The following ELFN1 variants were observed in gnomAD, a reference collection of about 807,000 sequenced individuals.
ELFN1 encodes extracellular leucine rich repeat and fibronectin type III domain containing 1.
Under a neutral mutation model 7.6 loss-of-function variants are expected in ELFN1, and 6 were observed. The observed-to-expected ratio is 0.79, with a 90% CI of 0.43 to 1.56. ELFN1 has a LOEUF of 1.56. ELFN1 is among the 40% of genes most tolerant of loss of function. ELFN1 has a pLI of 0.01. For missense variants in ELFN1, 1,169 were observed against 1,232.2 expected, an observed-to-expected ratio of 0.95 and a Z score of 0.77; for synonymous variants, 657 against 588.1, an observed-to-expected ratio of 1.12 and a Z score of -1.70.
intron 3 of ELFN1, among the ~76,000 whole-genome samples, chr7:1,738,439 T>A (rs1322355265): frequency 2.6e-5 from 4 of 152,044 alleles, no homozygotes; most frequent in African/African-American, 4.8e-5. Context: ...ATGGGCTTGA[T>A]CAAACATGAA....
At position 1,691,388 on chromosome 7, in the gene ELFN1, C is replaced by T. The variant is rs1177722103; in HGVS notation, c.-456+3238C>T. Among the ~76,000 whole-genome samples, 4 of 152,214 alleles carry T rather than the reference C, an allele frequency of 2.6e-5. No individual in the cohort carries two copies. In the East Asian group the frequency reaches 7.7e-4, roughly 29 times the overall value. On this transcript the variant is annotated intron_variant, in intron 2 of 3. Transcript: ENST00000424383. ...AGCCTTGGGTGCTTACTCCTGGCAA[C>T]AAGCATTGATTGAGCACCAGCTGTT...
intron 2 of ELFN1, chr7:1,693,141 C>T (rs1779208752): frequency 2.9e-6 from 1 of 350,588 alleles, no homozygotes; most frequent in Non-Finnish European, 5.7e-6. Flanking sequence ...AAGTGACTGC[C>T]CATGCAGACC....
At position 1,743,946 on chromosome 7, in the gene ELFN1, C is replaced by T. The variant is rs189898791; in HGVS notation, c.-293-358C>T. ...TTCCCTTATCCGACCGGGGTTGCGCCGAGAGTGAAATGGGCTTCAGGGACC... is the reference window on the plus strand; with the variant it reads ...TTCCCTTATCCGACCGGGGTTGCGCTGAGAGTGAAATGGGCTTCAGGGACC... On this transcript the variant is annotated intron_variant, in intron 3 of 3. Coordinates refer to ENST00000424383, the MANE Select transcript of ELFN1 (RefSeq NM_001128636.4). 1.6e-3 allele frequency among the ~76,000 whole-genome samples: 243 copies of T among 152,274 alleles called. 1 individual carries two copies. The highest frequency in any genetic ancestry group is 2.7e-3 in the Admixed American group (41 of 15,302).
Position 1,709,684 on chromosome 7 carries a change from G to A in ELFN1, c.-294+432G>A, listed in dbSNP as rs371886743. On this transcript the variant is annotated intron_variant, in intron 3 of 3. Coordinates refer to ENST00000424383, the MANE Select transcript of ELFN1 (RefSeq NM_001128636.4). ...TGAATAACACGGCATAGGTCACGTA[G>A]GTTAATATTGACTTGCAGTATGTAT... Among the ~76,000 whole-genome samples, 4 of 152,372 alleles carry A rather than the reference G, an allele frequency of 2.6e-5. No individual in the cohort carries two copies. The South Asian group carries it at 8.3e-4, about 32-fold the overall frequency.
intron 1 of ELFN1, among the ~76,000 whole-genome samples, chr7:1,686,260 T>C (rs1006781190): frequency 6.6e-6 from 1 of 151,810 alleles, no homozygotes; most frequent in African/African-American, 2.4e-5. Context: ...GTGAAATTCA[T>C]TTTCCCCTGA....
chr7:1,711,603 AGAGAGAGAGAGAG>A (rs1161098195), intron 3 of ELFN1, among the ~76,000 whole-genome samples: 2 of 151,110 alleles, frequency 1.3e-5, no homozygotes, highest in African/African-American at 4.9e-5. Context: ...AGAGAGAGAG[AGAGAGAGAGAGAG>A]AGAGAGAGAG....
rs1778800681 is a variant in ELFN1, at chr7:1,673,127, GTTTC to G, written c.-549+2776_-549+2779del. 6.6e-6 allele frequency among the ~76,000 whole-genome samples: 1 copy of G among 151,108 alleles called. No individual in the cohort carries two copies. Among genetic ancestry groups the G allele is most frequent in the African/African-American group, 2.4e-5 (1 of 41,208 alleles). ...CCTTTTTGTTTTTGTTGTGGATTTG[GTTTC>G]TTCCAGCACAAGCTCAGGTGTCAAG... On this transcript the variant is annotated intron_variant, in intron 1 of 3. Transcript: ENST00000424383. This position sits in a 1 kb window ranked among gnomAD's most constrained non-coding sequence, Gnocchi z 4.7.
intron 2 of ELFN1, among the ~76,000 whole-genome samples, chr7:1,698,232 T>G (rs1779358308): frequency 6.6e-6 from 1 of 152,244 alleles, no homozygotes; most frequent in Admixed American, 6.5e-5. Context: ...AAGCCTCATT[T>G]TCTACTTCTA....
rs7807536 is a variant in ELFN1, at chr7:1,733,003, C to A, written c.-293-11301C>A. ...GCAAGCTCTGCCTCCTGGGTTCAAGCGATTCTCCTGCCTCAGCCTTCCGAG... is the reference window on the plus strand; with the variant it reads ...GCAAGCTCTGCCTCCTGGGTTCAAGAGATTCTCCTGCCTCAGCCTTCCGAG... On this transcript the variant is annotated intron_variant, in intron 3 of 3. Coordinates refer to ENST00000424383, the MANE Select transcript of ELFN1 (RefSeq NM_001128636.4). 4.9e-3 allele frequency among the ~76,000 whole-genome samples: 750 copies of A among 152,214 alleles called. 7 individuals are homozygous for A. The highest frequency in any genetic ancestry group is 0.017 in the African/African-American group (699 of 41,540).
At chr7:1,697,819 C>T (rs1779349979) in intron 2 of ELFN1, among the ~76,000 whole-genome samples, 1 of 152,174 alleles carries the variant, frequency 6.6e-6, no homozygotes, top group African/African-American at 2.4e-5. Flanking sequence ...GGGTCTCTCT[C>T]TTTCGCCCAG....
At chr7:1,726,402 C>A (rs919159409) in intron 3 of ELFN1, among the ~76,000 whole-genome samples, 7 of 152,244 alleles carry the variant, frequency 4.6e-5, no homozygotes, top group Non-Finnish European at 8.8e-5. Flanking sequence ...AGCATATGGA[C>A]CCTGCCAAAT....
upstream of ELFN1, among the ~76,000 whole-genome samples, chr7:1,666,713 C>T (rs1418182690): frequency 1.3e-5 from 2 of 151,758 alleles, no homozygotes; most frequent in Non-Finnish European, 2.9e-5. The surrounding 1 kb of genome is among the most constrained non-coding windows in gnomAD (Gnocchi z 7.9). Flanking sequence ...CAGACGAACC[C>T]CTCTTCATCT....
At chr7:1,691,771 G>C (rs1326452096) in intron 2 of ELFN1, 2 of 152,242 alleles carry the variant, frequency 1.3e-5, no homozygotes, top group Non-Finnish European at 2.9e-5. Context: ...CCCACACCTG[G>C]GACATTGCCA....
intron 3 of ELFN1, among the ~76,000 whole-genome samples, chr7:1,734,161 A>G (rs1033588739): frequency 1.3e-5 from 2 of 152,146 alleles, no homozygotes; most frequent in Non-Finnish European, 2.9e-5. Flanking sequence ...TGATGAGGAA[A>G]GTGCCAGGCA....
rs368802923 is a variant in ELFN1 at position 1,745,820 on chromosome 7, G to T, written c.1224G>T (p.Pro408=). The change falls in exon 4 of 4, where the codon CCG becomes CCT. Residue 408 remains proline (P), a synonymous_variant. Coordinates refer to ENST00000424383, the MANE Select transcript of ELFN1 (RefSeq NM_001128636.4). Reference sequence around the variant, plus strand: ...CCCGGCTGCCCAGCCCGCCTGGTCCGGTGCCCAGCCCCTCCACGGCCACCC... The same window carrying T: ...CCCGGCTGCCCAGCCCGCCTGGTCCTGTGCCCAGCCCCTCCACGGCCACCC... ...CLPRLPSPPG[P]VPSPSTATHY... is the part of the protein sequence containing the mutation. 2 of 1,570,562 alleles carry T rather than the reference G, an allele frequency of 1.3e-6. No individual in the cohort carries two copies. The highest frequency in any genetic ancestry group is 2.4e-5 in the East Asian group (1 of 42,064).
chr7:1,697,982 C>T lies in ELFN1; in HGVS notation c.-456+9832C>T, dbSNP rs527803224. ...GGCCTGGGCTTCCCGCAGAGCCGGC[C>T]GGCGGGCGGGCGCTGACTAAGGCAG... On this transcript the variant is annotated intron_variant, in intron 2 of 3. Transcript: ENST00000424383. 1.8e-4 allele frequency among the ~76,000 whole-genome samples: 27 copies of T among 152,278 alleles called. No homozygotes were observed. In the East Asian group the frequency reaches 4.3e-3, roughly 24 times the overall value.
chr7:1,747,736 G>C lies in ELFN1; in HGVS notation c.*653G>C, dbSNP rs942216701. 1.2e-5 allele frequency: 2 copies of C among 165,836 alleles called. 1 individual carries two copies. The highest frequency in any genetic ancestry group is 4.1e-4 in the South Asian group (2 of 4,820). The allele number at this position is 165,836 out of a possible 1,614,324, so 10.3% of individuals were successfully genotyped here. On this transcript the variant is annotated 3_prime_UTR_variant, in exon 4 of 4. Coordinates refer to ENST00000424383, the MANE Select transcript of ELFN1 (RefSeq NM_001128636.4). Reference sequence around the variant, plus strand: ...GTGGAGGCTGTGCCTGTGGACGGCCGGGGTGGCCAGGACGGCCAAGGGCTG... The same window carrying C: ...GTGGAGGCTGTGCCTGTGGACGGCCCGGGTGGCCAGGACGGCCAAGGGCTG...
rs115858706 is a variant in ELFN1, at chr7:1,745,832, C to T, written c.1236C>T (p.Pro412=). The T allele has an allele frequency of 7.2e-4, 1,136 of 1,578,850 alleles. 6 individuals carry two copies. The African/African-American group carries it at 0.014, about 19-fold the overall frequency. The change falls in exon 4 of 4, where the codon CCC becomes CCT. Residue 412 remains proline (P), a synonymous_variant. Transcript: ENST00000424383. ...GCCCGCCTGGTCCGGTGCCCAGCCC[C>T]TCCACGGCCACCCACTACATCATGA... ...LPSPPGPVPS[P]STATHYIMTI...
At chr7:1,742,828 A>G (rs1780664948) in intron 3 of ELFN1, among the ~76,000 whole-genome samples, 1 of 152,210 alleles carries the variant, frequency 6.6e-6, no homozygotes, top group South Asian at 2.1e-4. Flanking sequence ...AAGTTTCCAA[A>G]GGGAGGAAAA....
Sources: gnomAD v4.1 joint callset for allele counts (sites outside exome capture counted in the v4.1 genomes callset) on GRCh38, gnomAD v4.1.1 for gene constraint, Gnocchi (gnomAD v3.1) non-coding constraint, MANE v1.5 for transcripts, NCBI Gene and HGNC (gene_info 2026-07-23, HGNC 2026-07-21) for gene names.